Variants in SLC2A5 observed in about 807,000 individuals in gnomAD.
SLC2A5 encodes solute carrier family 2 member 5.
Under a neutral mutation model 50.3 loss-of-function variants are expected in SLC2A5, and 56 were observed. That is an observed-to-expected ratio of 1.11 (90% CI 0.90 to 1.39). The LOEUF (loss-of-function observed/expected upper bound fraction) is 1.39, where lower values mean the gene tolerates loss of function less well. SLC2A5 is among the 40% of genes most tolerant of loss of function. The probability of loss-of-function intolerance (pLI) is 0.00; values close to 1 mark genes in which losing one functional copy is unlikely to be tolerated. For synonymous variants in SLC2A5, 269 were observed against 281.9 expected, an observed-to-expected ratio of 0.95 and a Z score of 0.46; for missense variants, 566 against 650.1, an observed-to-expected ratio of 0.87 and a Z score of 1.41.
chr1:9,040,581 C>T lies in SLC2A5; in HGVS notation c.572-392G>A, dbSNP rs541428624. The T allele has an allele frequency of 7.6e-5, 15 of 198,254 alleles. No homozygotes were observed. In the South Asian group the frequency reaches 1.4e-3, roughly 18 times the overall value. The allele number at this position is 198,254 out of a possible 1,614,324, so 12.3% of individuals were successfully genotyped here. On this transcript the variant is annotated intron_variant, in intron 5 of 11. Transcript: ENST00000377424. The surrounding 1 kb of genome is among the most constrained non-coding windows in gnomAD (Gnocchi z 4.3). Reference sequence around the variant, plus strand: ...CAGGATGCCTGAACTGGAATGGTCACGGCAGCTCTGATTACAGAAAGGACA... The same window carrying T: ...CAGGATGCCTGAACTGGAATGGTCATGGCAGCTCTGATTACAGAAAGGACA...
chr1:9,089,946 C>T (rs181488336), upstream of SLC2A5, among the ~76,000 whole-genome samples: 11 of 152,310 alleles, frequency 7.2e-5, no homozygotes, highest in East Asian at 2.1e-3. Context: ...ATTAATATTA[C>T]TTCCTTTCTT....
At chr1:9,055,123 G>C (rs1641716228) in intron 3 of SLC2A5, among the ~76,000 whole-genome samples, 1 of 152,170 alleles carries the variant, frequency 6.6e-6, no homozygotes, top group Non-Finnish European at 1.5e-5. Flanking sequence ...CTCATGCTCA[G>C]AAGTGAAACA....
chr1:9,045,301 A>G (rs183511543), intron 4 of SLC2A5, among the ~76,000 whole-genome samples: 47 of 152,300 alleles, frequency 3.1e-4, no homozygotes, highest in Admixed American at 7.2e-4. Context: ...TAATACAGTA[A>G]ATATTGATCA....
At position 9,040,354 on chromosome 1, in the gene SLC2A5, A is replaced by G; in HGVS notation, c.572-165T>C. ...CAACTCCCGACGGTGGACACTCGGG[A>G]AACACCTGCAGCAGGGATCAGCAGC... is the stretch of plus-strand genomic sequence containing the variant. On this transcript the variant is annotated intron_variant, in intron 5 of 11. Coordinates refer to ENST00000377424, the MANE Select transcript of SLC2A5 (RefSeq NM_003039.3). This position sits in a 1 kb window ranked among gnomAD's most constrained non-coding sequence, Gnocchi z 4.3. The G allele has an allele frequency of 1.2e-6, 1 of 802,964 alleles. No individual in the cohort carries two copies. The highest frequency in any genetic ancestry group is 1.9e-6 in the Non-Finnish European group (1 of 523,108). 49.7% of individuals were successfully genotyped at this position (802,964 alleles called of 1,614,324 possible).
At chr1:9,062,173 C>T (rs17033199) in intron 1 of SLC2A5, among the ~76,000 whole-genome samples, 5,243 of 152,262 alleles carry the variant, frequency 0.034, 105 homozygotes, top group Middle Eastern at 0.14. Context: ...ACAGTACCCT[C>T]GGGTAAGCAA....
chr1:9,059,112 T>G (rs1440667599), intron 1 of SLC2A5, among the ~76,000 whole-genome samples: 2 of 150,292 alleles, frequency 1.3e-5, no homozygotes, highest in Non-Finnish European at 3.0e-5. Context: ...TTCCATCTAC[T>G]CTGATGGACA....
intron 4 of SLC2A5, among the ~76,000 whole-genome samples, chr1:9,042,829 T>C (rs146635104): frequency 1.3e-5 from 2 of 152,284 alleles, no homozygotes; most frequent in Non-Finnish European, 2.9e-5. Flanking sequence ...ACAAGTTATA[T>C]GTCTCTATAA....
intron 2 of SLC2A5, among the ~76,000 whole-genome samples, chr1:9,081,159 C>T (rs796624401): frequency 3.9e-4 from 59 of 150,432 alleles, no homozygotes; most frequent in African/African-American, 1.4e-3. Context: ...ACTCAAGAGG[C>T]TGAGGTGGGA....
At chr1:9,063,961 C>T (rs868242395) in intron 1 of SLC2A5, among the ~76,000 whole-genome samples, 3 of 130,594 alleles carry the variant, frequency 2.3e-5, no homozygotes, top group African/African-American at 6.8e-5. Flanking sequence ...TCCCAAAGTG[C>T]TGGGATTACA....
intron 2 of SLC2A5, among the ~76,000 whole-genome samples, chr1:9,076,938 T>C (rs770025628): frequency 6.6e-6 from 1 of 151,740 alleles, no homozygotes; most frequent in Non-Finnish European, 1.5e-5. Flanking sequence ...TACAGGCGCC[T>C]GCCACCACGC....
Position 9,040,040 on chromosome 1 carries a change from C to T in SLC2A5, c.697+24G>A, listed in dbSNP as rs548746170. 3 of 1,582,382 alleles carry T rather than the reference C, an allele frequency of 1.9e-6. No individual in the cohort carries two copies. Among genetic ancestry groups the T allele is most frequent in the Admixed American group, 1.8e-5 (1 of 56,990 alleles). ...GGGCTGGGGAGCAGAACCTGGAGGC[C>T]GCCCCCGCCAGAGCCCTCGTTACCT... On this transcript the variant is annotated intron_variant, in intron 6 of 11. Coordinates refer to ENST00000377424, the MANE Select transcript of SLC2A5 (RefSeq NM_003039.3). The surrounding 1 kb of genome is among the most constrained non-coding windows in gnomAD (Gnocchi z 4.3).
chr1:9,079,779 G>A (rs1642333013), intron 2 of SLC2A5, among the ~76,000 whole-genome samples: 1 of 152,146 alleles, frequency 6.6e-6, no homozygotes, highest in South Asian at 2.1e-4. Context: ...GAGCCACCAC[G>A]CCCAGCCGAT....
intron 2 of SLC2A5, among the ~76,000 whole-genome samples, chr1:9,082,189 TTGG>T (rs749915561): frequency 1.3e-5 from 2 of 152,110 alleles, no homozygotes; most frequent in Non-Finnish European, 1.5e-5. Flanking sequence ...AAAAAACAGT[TTGG>T]TGGTTCCTCA....
chr1:9,059,069 C>T (rs1480926329), intron 1 of SLC2A5, among the ~76,000 whole-genome samples: 4 of 151,578 alleles, frequency 2.6e-5, no homozygotes, highest in South Asian at 2.1e-4. Flanking sequence ...GAGCTTGGGA[C>T]GCTGCTCTCT....
At chr1:9,052,280 T>C (rs1641599612) in intron 3 of SLC2A5, among the ~76,000 whole-genome samples, 1 of 151,860 alleles carries the variant, frequency 6.6e-6, no homozygotes, top group African/African-American at 2.4e-5. Flanking sequence ...CGAGACTCCG[T>C]CTCAAAAAAA....
Position 9,038,487 on chromosome 1 carries a change from G to A in SLC2A5, c.1118C>T (p.Pro373Leu), listed in dbSNP as rs759011933. Reference protein sequence around the residue: ...LALQDTVSWMPYISIVCVISY... With the variant: ...LALQDTVSWMLYISIVCVISY... ...GATGACACAGACGATGCTGATGTAT[G>A]GCATCCAGGACACTGTGTCCTGTGG... The change falls in exon 10 of 12, where the codon CCA (proline) becomes CTA (leucine). Residue 373 changes from proline (P) to leucine (L), a missense_variant. Pro to Leu is a moderately conservative substitution (Grantham distance 98). Coordinates refer to ENST00000377424, the MANE Select transcript of SLC2A5 (RefSeq NM_003039.3). 3.7e-6 allele frequency: 6 copies of A among 1,612,938 alleles called. No individual in the cohort carries two copies. Among genetic ancestry groups the A allele is most frequent in the Non-Finnish European group, 5.1e-6 (6 of 1,179,234 alleles).
At chr1:9,054,712 C>G (rs1569871597) in intron 3 of SLC2A5, among the ~76,000 whole-genome samples, 1 of 152,164 alleles carries the variant, frequency 6.6e-6, no homozygotes, top group Middle Eastern at 3.4e-3. Flanking sequence ...ATTGCTTGAG[C>G]CCAGAAGTTT....
intron 2 of SLC2A5, among the ~76,000 whole-genome samples, chr1:9,074,772 C>T (rs933906040): frequency 1.3e-5 from 2 of 152,104 alleles, no homozygotes; most frequent in East Asian, 3.8e-4. Flanking sequence ...TCCTGTAATC[C>T]CAGCATTTTG....
chr1:9,091,740 T>C (rs564736417), upstream of SLC2A5, among the ~76,000 whole-genome samples: 152 of 152,262 alleles, frequency 1.0e-3, 1 homozygote, highest in African/African-American at 3.6e-3. Context: ...AGTCCCAGAT[T>C]GGTTTATAGA....
Sources: allele counts gnomAD v4.1 joint callset (sites outside exome capture counted in the v4.1 genomes callset), GRCh38; gene constraint gnomAD v4.1.1; non-coding constraint Gnocchi (gnomAD v3.1); transcripts MANE v1.5; gene names NCBI Gene and HGNC (gene_info 2026-07-23, HGNC 2026-07-21).